IL6ST: variants seen among roughly 807,000 people sequenced by gnomAD.
IL6ST encodes interleukin-6 receptor subunit beta.
A neutral mutation model predicts 91.3 loss-of-function variants in IL6ST; 24 were observed. The ratio of observed to expected loss-of-function variants is 0.26; its 90% confidence interval spans 0.19 to 0.37. The LOEUF (loss-of-function observed/expected upper bound fraction) is 0.37. Among genes scored for constraint, IL6ST ranks in the 10% least tolerant of loss-of-function variants. IL6ST has a pLI of 1.00. For synonymous variants in IL6ST, 351 were observed against 373.6 expected, an observed-to-expected ratio of 0.94 and a Z score of 0.70; for missense variants, 914 against 1,078.5, an observed-to-expected ratio of 0.85 and a Z score of 2.14.
intron 2 of IL6ST, among the ~76,000 whole-genome samples, chr5:55,978,745 G>A (rs1175714383): frequency 6.6e-6 from 1 of 152,134 alleles, no homozygotes; most frequent in Admixed American, 6.6e-5. Context: ...TCAGAAAAAA[G>A]GCAGCCATCA....
At chr5:55,957,352 C>A (rs981210185) in intron 8 of IL6ST, 61 bp from the exon 9 acceptor site, 2 of 852,808 alleles carry the variant, frequency 2.3e-6, no homozygotes, top group African/African-American at 3.5e-5. Context: ...TAAAATTCTG[C>A]AAATTATTCT....
rs1479022540 is a variant in IL6ST, at chr5:55,957,226, C to T, written c.1039G>A (p.Val347Ile). The T allele has an allele frequency of 3.3e-6, 5 of 1,524,388 alleles. No homozygotes were observed. Among genetic ancestry groups the T allele is most frequent in the South Asian group, 2.4e-5 (2 of 81,940 alleles). The allele number at this position is 1,524,388 out of a possible 1,614,324, so 94.4% of individuals were successfully genotyped here. Residue 347 changes from valine (V) to isoleucine (I), a missense_variant, in exon 9 of 17, where the codon GTA becomes ATA. By Grantham distance (29) the Val-to-Ile change is conservative. Coordinates refer to ENST00000381298, the MANE Select transcript of IL6ST (RefSeq NM_002184.4). ...DPSHTQGYRTVQLVWKTLPPF... is the reference protein window; with the variant it reads ...DPSHTQGYRTIQLVWKTLPPF... ...TTTTTTACCTTCCACACGAGTTGTA[C>T]AGTTCTGTAGCCTTGAGTATGGGAT...
intron 3 of IL6ST, among the ~76,000 whole-genome samples, chr5:55,974,938 CACACACACACACACACAT>C (rs1325635373): frequency 2.4e-4 from 35 of 144,442 alleles, no homozygotes; most frequent in Non-Finnish European, 3.9e-4. Flanking sequence ...ATTATTCATA[CACACACACACACACACAT>C]ACACACACAC....
At chr5:55,986,591 G>GCTAT (rs1230017800) in intron 1 of IL6ST, among the ~76,000 whole-genome samples, 11 of 152,108 alleles carry the variant, frequency 7.2e-5, no homozygotes, top group African/African-American at 2.7e-4. Context: ...TAGGTTTAAA[G>GCTAT]CTATCAGCTT....
intron 8 of IL6ST, chr5:55,959,504 C>G: frequency 2.8e-6 from 1 of 350,956 alleles, no homozygotes; most frequent in Non-Finnish European, 5.1e-6. Context: ...ATTTCTTGAA[C>G]TTAGTAACAT....
At position 55,947,592 on chromosome 5, in the gene IL6ST, T is replaced by TA. The variant is rs71602925; in HGVS notation, c.1841-4dup. 0.12 allele frequency: 45,985 copies of TA among 386,740 alleles called. 2,807 individuals carry two copies. Among genetic ancestry groups the TA allele is most frequent in the African/African-American group, 0.25 (5,281 of 20,984 alleles). The allele number at this position is 386,740 out of a possible 1,614,324, so 24.0% of individuals were successfully genotyped here. A position where few individuals can be genotyped will look rare whatever the true frequency, so the allele number is the denominator to read the frequency against. On this transcript the variant is annotated splice_polypyrimidine_tract_variant and splice_region_variant and intron_variant, in intron 14 of 16. Coordinates refer to ENST00000381298, the MANE Select transcript of IL6ST (RefSeq NM_002184.4). The stretch of plus-strand genomic sequence containing the variant: ...TATGGCTTCAATTTCTCCTTGAGCT[T>TA]AAAAAAAAAAAAAAAAAAAAAAAAA...
rs1451659362 is a variant in IL6ST at position 55,939,502 on chromosome 5, T to C, written c.*1580A>G. 4.9e-6 allele frequency: 1 copy of C among 205,452 alleles called. No homozygotes were observed. The highest frequency in any genetic ancestry group is 1.0e-5 in the Non-Finnish European group (1 of 100,462). 12.7% of individuals were successfully genotyped at this position (205,452 alleles called of 1,614,324 possible). On this transcript the variant is annotated 3_prime_UTR_variant, in exon 17 of 17. Coordinates refer to ENST00000381298, the MANE Select transcript of IL6ST (RefSeq NM_002184.4). ...TAATTATATTTCCATTGTAAATGTA[T>C]ACCAAGTTTTCTTAGCTTTCTATTC... is the stretch of plus-strand genomic sequence containing the variant.
intron 1 of IL6ST, among the ~76,000 whole-genome samples, chr5:55,983,969 T>G (rs1753807047): frequency 6.6e-6 from 1 of 152,170 alleles, no homozygotes; most frequent in African/African-American, 2.4e-5. Flanking sequence ...CATAGAGATC[T>G]TCCCTAACCA....
At position 55,939,430 on chromosome 5, in the gene IL6ST, G is replaced by A. The variant is rs531857892; in HGVS notation, c.*1652C>T. On this transcript the variant is annotated 3_prime_UTR_variant, in exon 17 of 17. Coordinates refer to ENST00000381298, the MANE Select transcript of IL6ST (RefSeq NM_002184.4). The stretch of plus-strand genomic sequence containing the variant: ...ATTATATAAATGCAAGAATATAAAA[G>A]ATAAACAGGAAGTCTAATGTGAACA... 9 of 203,196 alleles carry A rather than the reference G, an allele frequency of 4.4e-5. No individual in the cohort carries two copies. In the South Asian group the frequency reaches 1.7e-3, roughly 39 times the overall value. 12.6% of individuals were successfully genotyped at this position (203,196 alleles called of 1,614,324 possible). A position where few individuals can be genotyped will look rare whatever the true frequency, so the allele number is the denominator to read the frequency against.
At chr5:55,990,476 C>G (rs1754255724) in intron 1 of IL6ST, among the ~76,000 whole-genome samples, 1 of 152,152 alleles carries the variant, frequency 6.6e-6, no homozygotes, top group Non-Finnish European at 1.5e-5. Flanking sequence ...TCTCTGCTAG[C>G]TTTTATCTCC....
At chr5:55,991,815 T>G (rs1754348154) in intron 1 of IL6ST, among the ~76,000 whole-genome samples, 1 of 152,116 alleles carries the variant, frequency 6.6e-6, no homozygotes, top group Non-Finnish European at 1.5e-5. Context: ...TAGAGAGAAC[T>G]GCTTGCAATT....
chr5:55,957,511 C>T (rs1293095549), intron 8 of IL6ST, among the ~76,000 whole-genome samples: 5 of 152,114 alleles, frequency 3.3e-5, no homozygotes, highest in Admixed American at 3.3e-4. Context: ...CTTTTCTAAC[C>T]TCAAAATTGT....
intron 3 of IL6ST, among the ~76,000 whole-genome samples, chr5:55,972,940 G>A (rs1164258841): frequency 1.3e-5 from 2 of 151,818 alleles, no homozygotes; most frequent in African/African-American, 4.8e-5. Flanking sequence ...GGGGGGCAGA[G>A]GTTGCAGTGA....
chr5:55,990,144 G>C (rs1754228844), intron 1 of IL6ST, among the ~76,000 whole-genome samples: 1 of 152,060 alleles, frequency 6.6e-6, no homozygotes, highest in Non-Finnish European at 1.5e-5. Flanking sequence ...TCCTGCTCTG[G>C]ATATGTATAC....
Position 55,957,196 on chromosome 5 carries a change from T to A in IL6ST, c.1056+13A>T. 1 of 1,298,486 alleles carries A rather than the reference T, an allele frequency of 7.7e-7. No homozygotes were observed. Among genetic ancestry groups the A allele is most frequent in the Non-Finnish European group, 1.1e-6 (1 of 929,774 alleles). The allele number at this position is 1,298,486 out of a possible 1,614,324, so 80.4% of individuals were successfully genotyped here. A position where few individuals can be genotyped will look rare whatever the true frequency, so the allele number is the denominator to read the frequency against. On this transcript the variant is annotated intron_variant, in intron 9 of 16. Transcript: ENST00000381298. ...AGATTTATAAGAGATAAAATATAAATGTGATTTTTTACCTTCCACACGAGT... is the reference window on the plus strand; with the variant it reads ...AGATTTATAAGAGATAAAATATAAAAGTGATTTTTTACCTTCCACACGAGT...
At chr5:55,987,540 T>C (rs1166568406) in intron 1 of IL6ST, among the ~76,000 whole-genome samples, 2 of 152,198 alleles carry the variant, frequency 1.3e-5, no homozygotes, top group African/African-American at 4.8e-5. Flanking sequence ...ATCCTTACCT[T>C]GGTGAAGGAT....
rs185280789 is a variant in IL6ST, at chr5:55,937,590, C to G, written c.*3492G>C. 5.0e-6 allele frequency: 1 copy of G among 201,398 alleles called. No individual in the cohort carries two copies. The highest frequency in any genetic ancestry group is 2.3e-5 in the African/African-American group (1 of 43,642). 12.5% of individuals were successfully genotyped at this position (201,398 alleles called of 1,614,324 possible). ...CCTTCTTTGAAATCAATGACAATGT[C>G]CAATTTTAGGCTAATCCTAAAACAC... On this transcript the variant is annotated 3_prime_UTR_variant, in exon 17 of 17. Transcript: ENST00000381298.
At position 55,940,939 on chromosome 5, in the gene IL6ST, GA is replaced by G. The variant is rs1425557415; in HGVS notation, c.*142del. The G allele has an allele frequency of 1.3e-6, 1 of 751,244 alleles. No homozygotes were observed. The highest frequency in any genetic ancestry group is 1.8e-5 in the African/African-American group (1 of 56,684). The allele number at this position is 751,244 out of a possible 1,614,324, so 46.5% of individuals were successfully genotyped here. A position where few individuals can be genotyped will look rare whatever the true frequency, so the allele number is the denominator to read the frequency against. On this transcript the variant is annotated 3_prime_UTR_variant, in exon 17 of 17. Coordinates refer to ENST00000381298, the MANE Select transcript of IL6ST (RefSeq NM_002184.4). ...ATTCTGGAATGGAAATAGCTCATGT[GA>G]AACTTCAGTTCATTTTTGTCCTTAA...
chr5:55,973,147 CTT>C (rs1307188142), intron 3 of IL6ST, among the ~76,000 whole-genome samples: 1 of 152,008 alleles, frequency 6.6e-6, no homozygotes, highest in South Asian at 2.1e-4. Context: ...AAAAAACTGA[CTT>C]AAGAAAAAAG....
Sources: allele counts gnomAD v4.1 joint callset (sites outside exome capture counted in the v4.1 genomes callset), GRCh38; gene constraint gnomAD v4.1.1; transcripts MANE v1.5; gene names NCBI Gene and HGNC (gene_info 2026-07-23, HGNC 2026-07-21).